The following LAMC1 variants were observed in gnomAD, a reference collection of about 807,000 sequenced individuals.
LAMC1 encodes laminin subunit gamma-1.
In LAMC1, 38 loss-of-function variants were observed where a neutral mutation model predicts 173.6. The observed-to-expected ratio is 0.22, with a 90% confidence interval of 0.17 to 0.29. The LOEUF (loss-of-function observed/expected upper bound fraction) is 0.29, where lower values mean the gene tolerates loss of function less well. LAMC1 is among the 10% of genes least tolerant of loss of function. The probability of loss-of-function intolerance (pLI) is 1.00; values close to 1 mark genes in which losing one functional copy is unlikely to be tolerated. For synonymous variants in LAMC1, 746 were observed against 749.1 expected (o/e 1.00, Z 0.07); for missense variants, 1,824 against 2,051.8 (o/e 0.89, Z 2.14).
intron 17 of LAMC1, among the ~76,000 whole-genome samples, 195 bp downstream of exon 17, chr1:183,127,599 A>AAG (rs1656657217): frequency 6.6e-6 from 1 of 152,246 alleles, no homozygotes; most frequent in African/African-American, 2.4e-5. Context: ...AAGTGCCAGG[A>AAG]AGAATACAAA....
rs6672093 is a variant in LAMC1 at position 183,110,718 on chromosome 1, T to C, written c.1021+64T>C. 839,895 of 1,498,486 alleles carry C rather than the reference T, an allele frequency of 0.56. 239,928 individuals are homozygous for C. The highest frequency in any genetic ancestry group is 0.65 in the South Asian group (52,848 of 81,178). 92.8% of individuals were successfully genotyped at this position (1,498,486 alleles called of 1,614,324 possible). Reference sequence around the variant, plus strand: ...GGACTTCCAAGGGTGGAAGAAGGAATGGGTGACTTTCTTTTATTCCTCCTT... The same window carrying C: ...GGACTTCCAAGGGTGGAAGAAGGAACGGGTGACTTTCTTTTATTCCTCCTT... On this transcript the variant is annotated intron_variant, in intron 4 of 27. Coordinates refer to ENST00000258341, the MANE Select transcript of LAMC1 (RefSeq NM_002293.4).
intron 3 of LAMC1, among the ~76,000 whole-genome samples, chr1:183,109,737 T>C (rs950821550): frequency 6.6e-6 from 1 of 152,182 alleles, no homozygotes; most frequent in Non-Finnish European, 1.5e-5. Flanking sequence ...ATTGCTGTCA[T>C]TAAGGAAGCA....
intron 1 of LAMC1, among the ~76,000 whole-genome samples, chr1:183,034,928 G>A (rs1026010338): frequency 6.6e-6 from 1 of 152,154 alleles, no homozygotes; most frequent in Admixed American, 6.5e-5. Flanking sequence ...AATATGACTA[G>A]TGACTTTTCT....
chr1:183,045,122 G>GTT (rs35424233), intron 1 of LAMC1, among the ~76,000 whole-genome samples: 240 of 140,408 alleles, frequency 1.7e-3, no homozygotes, highest in South Asian at 2.3e-3. Context: ...TTCTCAGTAG[G>GTT]TTTTTTTTTT....
chr1:183,030,975 C>T (rs762728668), intron 1 of LAMC1, among the ~76,000 whole-genome samples: 5 of 151,912 alleles, frequency 3.3e-5, no homozygotes, highest in African/African-American at 4.8e-5. Flanking sequence ...CCAGCCTGGA[C>T]GACGTAGACC....
chr1:183,107,577 TC>T (rs1656014564), intron 2 of LAMC1, among the ~76,000 whole-genome samples: 1 of 152,138 alleles, frequency 6.6e-6, no homozygotes, highest in Non-Finnish European at 1.5e-5. Context: ...ACGCCTGTAA[TC>T]CCAGCACTTT....
intron 1 of LAMC1, among the ~76,000 whole-genome samples, chr1:183,050,236 A>G (rs1654379793): frequency 6.8e-6 from 1 of 146,640 alleles, no homozygotes; most frequent in Non-Finnish European, 1.5e-5. Context: ...GTTCTTTGAT[A>G]TATTTACCTC....
chr1:183,129,337 C>T (rs965778811), intron 18 of LAMC1, among the ~76,000 whole-genome samples: 1 of 152,036 alleles, frequency 6.6e-6, no homozygotes, highest in African/African-American at 2.4e-5. Flanking sequence ...ATTTGCCCAC[C>T]TCAGCCTCCC....
intron 1 of LAMC1, among the ~76,000 whole-genome samples, chr1:183,030,719 T>G (rs1362131630): frequency 6.6e-6 from 1 of 152,238 alleles, no homozygotes; most frequent in African/African-American, 2.4e-5. Flanking sequence ...TAGACTGTTA[T>G]GTGACTTGAA....
At chr1:183,054,514 A>G (rs569140889) in intron 1 of LAMC1, among the ~76,000 whole-genome samples, 8 of 152,334 alleles carry the variant, frequency 5.3e-5, no homozygotes, top group African/African-American at 7.2e-5. Flanking sequence ...CAACGATACT[A>G]TAACACAGCC....
At chr1:183,024,266 C>A in intron 1 of LAMC1, 132 bp downstream of exon 1, 1 of 825,426 alleles carries the variant, frequency 1.2e-6, no homozygotes, top group Non-Finnish European at 1.9e-6. Flanking sequence ...GCATGGGCCA[C>A]ACAGAAACTC....
At chr1:183,130,695 C>T (rs1656760444) in intron 19 of LAMC1, 146 bp downstream of exon 19, 2 of 641,382 alleles carry the variant, frequency 3.1e-6, no homozygotes, top group Non-Finnish European at 5.4e-6. Context: ...AGAAAAGCCA[C>T]ATTGCTCATA....
chr1:183,067,503 T>C (rs1386891804), intron 1 of LAMC1, among the ~76,000 whole-genome samples: 1 of 152,126 alleles, frequency 6.6e-6, no homozygotes, highest in Non-Finnish European at 1.5e-5. Flanking sequence ...GTTGTTGTTT[T>C]TGAGAGACGG....
chr1:183,078,476 G>A (rs1415234395), intron 1 of LAMC1, among the ~76,000 whole-genome samples: 1 of 151,938 alleles, frequency 6.6e-6, no homozygotes, highest in Admixed American at 6.6e-5. Context: ...CAGCTACTCA[G>A]GAGGCTGAGG....
chr1:183,126,582 T>A (rs1656626603), intron 16 of LAMC1, among the ~76,000 whole-genome samples: 1 of 152,232 alleles, frequency 6.6e-6, no homozygotes, highest in East Asian at 1.9e-4. Flanking sequence ...CTTTATTGAT[T>A]GCATTCTTAG....
Position 183,068,192 on chromosome 1 carries a change from C to T in LAMC1, c.419-35136C>T, listed in dbSNP as rs1654924366. 2.0e-5 allele frequency among the ~76,000 whole-genome samples: 3 copies of T among 151,848 alleles called. No homozygotes were observed. The South Asian group carries it at 6.2e-4, about 32-fold the overall frequency. On this transcript the variant is annotated intron_variant, in intron 1 of 27. Coordinates refer to ENST00000258341, the MANE Select transcript of LAMC1 (RefSeq NM_002293.4). ...AAGGCCTTTGTTACAATCTTATTGC[C>T]TGAGATGATGTAACATGTTAATGGG... is the stretch of plus-strand genomic sequence containing the variant.
At chr1:183,087,938 C>G (rs1375426562) in intron 1 of LAMC1, among the ~76,000 whole-genome samples, 2 of 151,966 alleles carry the variant, frequency 1.3e-5, no homozygotes, top group Non-Finnish European at 2.9e-5. Context: ...CTCAGCCTCC[C>G]AAGTAGCTGG....
chr1:183,031,790 G>A (rs1653856117), intron 1 of LAMC1, among the ~76,000 whole-genome samples: 1 of 152,308 alleles, frequency 6.6e-6, no homozygotes, highest in Middle Eastern at 3.4e-3. Flanking sequence ...CAGCTTGAAA[G>A]TGTAAAATTT....
intron 1 of LAMC1, among the ~76,000 whole-genome samples, chr1:183,045,997 A>C (rs1654256898): frequency 6.6e-6 from 1 of 151,942 alleles, no homozygotes; most frequent in Non-Finnish European, 1.5e-5. Flanking sequence ...CTTTATACTA[A>C]TCCTTTGTCA....
Sources: gnomAD v4.1 joint callset for allele counts (sites outside exome capture counted in the v4.1 genomes callset) on GRCh38, gnomAD v4.1.1 for gene constraint, MANE v1.5 for transcripts, NCBI Gene and HGNC (gene_info 2026-07-23, HGNC 2026-07-21) for gene names.